The following SLC24A3 variants were observed in gnomAD, a reference collection of about 807,000 sequenced individuals.
The protein encoded by SLC24A3 is solute carrier family 24 member 3, also known as sodium/potassium/calcium exchanger 3.
SLC24A3 carries 28 observed loss-of-function variants against 75.8 expected under a neutral mutation model. The observed-to-expected ratio is 0.37, with a 90% CI of 0.27 to 0.51. The LOEUF is 0.51. SLC24A3 is among the 20% of genes least tolerant of loss of function. SLC24A3 has a pLI of 0.94. For missense variants in SLC24A3, 663 were observed against 847.8 expected, an observed-to-expected ratio of 0.78 and a Z score of 2.71; for synonymous variants, 372 against 334.1, an observed-to-expected ratio of 1.11 and a Z score of -1.24.
intron 2 of SLC24A3, among the ~76,000 whole-genome samples, chr20:19,513,736 T>TAA (rs74180954): frequency 0.024 from 2,942 of 123,234 alleles, 106 homozygotes; most frequent in African/African-American, 0.09. Context: ...GCTTTTTTTT[T>TAA]AGAAAAAAAA....
intron 6 of SLC24A3, among the ~76,000 whole-genome samples, chr20:19,610,386 T>G (rs950302170): frequency 6.6e-6 from 1 of 152,098 alleles, no homozygotes; most frequent in African/African-American, 2.4e-5. Flanking sequence ...GACGGAACAG[T>G]GGGGCTGGGC....
Position 19,433,667 on chromosome 20 carries a change from A to G in SLC24A3, c.272-81821A>G, listed in dbSNP as rs1339329690. Among the ~76,000 whole-genome samples, 3 of 152,226 alleles carry G rather than the reference A, an allele frequency of 2.0e-5. No individual in the cohort carries two copies. In the East Asian group the frequency reaches 5.8e-4, roughly 29 times the overall value. ...AAAGTATTAATAGAAAATGTAAAGT[A>G]TGGTAAGACCAACAAATTAGGAGAC... is the stretch of plus-strand genomic sequence containing the variant. On this transcript the variant is annotated intron_variant, in intron 2 of 16. Transcript: ENST00000328041.
At chr20:19,413,922 G>C (rs1986787439) in intron 2 of SLC24A3, among the ~76,000 whole-genome samples, 1 of 152,116 alleles carries the variant, frequency 6.6e-6, no homozygotes, top group Non-Finnish European at 1.5e-5. Flanking sequence ...ATATGTTGGA[G>C]AAAAAATATT....
At chr20:19,702,722 T>C (rs2032888942) in intron 15 of SLC24A3, among the ~76,000 whole-genome samples, 1 of 152,204 alleles carries the variant, frequency 6.6e-6, no homozygotes. Flanking sequence ...AAACAGTTTA[T>C]GAACTCCAGG....
intron 6 of SLC24A3, among the ~76,000 whole-genome samples, chr20:19,593,342 C>T (rs2031405561): frequency 6.6e-6 from 1 of 152,196 alleles, no homozygotes; most frequent in African/African-American, 2.4e-5. Flanking sequence ...AGAGACTGGG[C>T]ATCCAGGCCC....
chr20:19,541,425 T>C (rs570460561), intron 3 of SLC24A3, among the ~76,000 whole-genome samples: 1 of 152,316 alleles, frequency 6.6e-6, no homozygotes, highest in African/African-American at 2.4e-5. Flanking sequence ...TTTTGTTGCC[T>C]CCTGCAAGCC....
chr20:19,631,482 A>C (rs2031932621), intron 6 of SLC24A3, among the ~76,000 whole-genome samples: 1 of 152,194 alleles, frequency 6.6e-6, no homozygotes, highest in African/African-American at 2.4e-5. Flanking sequence ...TTGACTTATC[A>C]TGAGATTACA....
chr20:19,337,474 T>A (rs6112320), intron 2 of SLC24A3, among the ~76,000 whole-genome samples: 1,566 of 66,646 alleles, frequency 0.023, 12 homozygotes, highest in South Asian at 0.097. Context: ...ATAAATAAAT[T>A]AATTAATTAA....
chr20:19,497,024 A>C (rs943969697), intron 2 of SLC24A3, among the ~76,000 whole-genome samples: 2 of 152,168 alleles, frequency 1.3e-5, no homozygotes, highest in Non-Finnish European at 2.9e-5. Flanking sequence ...CACTAAGTAG[A>C]CATTAGGGTA....
chr20:19,238,741 G>T (rs1046178849), intron 1 of SLC24A3, among the ~76,000 whole-genome samples: 1 of 152,118 alleles, frequency 6.6e-6, no homozygotes, highest in Non-Finnish European at 1.5e-5. Flanking sequence ...CCCTGGTCTG[G>T]TGTTGGGTCT....
At chr20:19,491,008 C>T (rs898680330) in intron 2 of SLC24A3, among the ~76,000 whole-genome samples, 21 of 152,240 alleles carry the variant, frequency 1.4e-4, no homozygotes, top group Non-Finnish European at 1.6e-4. Flanking sequence ...TTTTAAAATA[C>T]GGAACATTCA....
At chr20:19,565,178 G>A (rs1348704305) in intron 3 of SLC24A3, among the ~76,000 whole-genome samples, 1 of 152,162 alleles carries the variant, frequency 6.6e-6, no homozygotes, top group Non-Finnish European at 1.5e-5. Flanking sequence ...GTAAGTCTAG[G>A]TTTAGCTTTA....
chr20:19,394,658 A>C (rs1986423099), intron 2 of SLC24A3, among the ~76,000 whole-genome samples: 1 of 152,350 alleles, frequency 6.6e-6, no homozygotes, highest in East Asian at 1.9e-4. Context: ...AACTGCAATG[A>C]GATATCACCT....
At position 19,673,588 on chromosome 20, in the gene SLC24A3, G is replaced by T. The variant is rs370687766; in HGVS notation, c.714-13G>T. ...TCCATGACTGTCTTTAACTGTTCTT[G>T]GTTTACACACAGGTGGGAGTCTTTA... is the stretch of plus-strand genomic sequence containing the variant. On this transcript the variant is annotated splice_polypyrimidine_tract_variant and intron_variant, in intron 8 of 16. Transcript: ENST00000328041. 1.3e-4 allele frequency: 205 copies of T among 1,612,966 alleles called. No homozygotes were observed. The highest frequency in any genetic ancestry group is 9.9e-4 in the Middle Eastern group (6 of 6,044).
chr20:19,691,925 G>A (rs891036084), intron 12 of SLC24A3, among the ~76,000 whole-genome samples: 2 of 152,086 alleles, frequency 1.3e-5, no homozygotes, highest in Non-Finnish European at 2.9e-5. Context: ...CACAGAGCAG[G>A]GACCGGAGCC....
chr20:19,668,364 T>TG (rs552113707), intron 8 of SLC24A3, among the ~76,000 whole-genome samples: 5 of 152,184 alleles, frequency 3.3e-5, no homozygotes, highest in Non-Finnish European at 7.4e-5. Flanking sequence ...GCTGAAATGG[T>TG]GCGTCTAGGT....
In SLC24A3 at chr20:19,521,434, G is replaced by A. The variant is rs375269500; in HGVS notation, c.348+5870G>A. Among the ~76,000 whole-genome samples, 80 of 152,274 alleles carry A rather than the reference G, an allele frequency of 5.3e-4. No individual in the cohort carries two copies. The Middle Eastern group carries it at 0.024, about 45-fold the overall frequency. Reference sequence around the variant, plus strand: ...CACAGGTTTCCATAGGAGGCCTGGAGGGAGAGGAGTCTCAGCTCCACAACC... The same window carrying A: ...CACAGGTTTCCATAGGAGGCCTGGAAGGAGAGGAGTCTCAGCTCCACAACC... On this transcript the variant is annotated intron_variant, in intron 3 of 16. Transcript: ENST00000328041.
At chr20:19,341,629 C>T (rs894112369) in intron 2 of SLC24A3, among the ~76,000 whole-genome samples, 2 of 152,224 alleles carry the variant, frequency 1.3e-5, no homozygotes, top group Non-Finnish European at 2.9e-5. Context: ...CACTCAGCAA[C>T]TGGGCACAGC....
chr20:19,295,943 T>C (rs1246642386), intron 2 of SLC24A3, among the ~76,000 whole-genome samples: 1 of 152,196 alleles, frequency 6.6e-6, no homozygotes, highest in East Asian at 1.9e-4. Flanking sequence ...TACCGGCTCC[T>C]CTTTGTACCT....
Sources: allele counts gnomAD v4.1 joint callset (sites outside exome capture counted in the v4.1 genomes callset), GRCh38; gene constraint gnomAD v4.1.1; transcripts MANE v1.5; gene names NCBI Gene and HGNC (gene_info 2026-07-23, HGNC 2026-07-21).